The following VAV3 variants were observed in gnomAD, a reference collection of about 807,000 sequenced individuals.
VAV3 encodes vav guanine nucleotide exchange factor 3.
In VAV3, 94 loss-of-function variants were observed where a neutral mutation model predicts 131.2. The observed-to-expected ratio is 0.72, with a 90% CI of 0.61 to 0.85. The LOEUF is 0.85. Among genes scored for constraint, VAV3 ranks in the 40% least tolerant of loss-of-function variants. The probability of loss-of-function intolerance (pLI) is 0.00; values close to 1 mark genes in which losing one functional copy is unlikely to be tolerated. For synonymous variants in VAV3, 349 were observed against 342.0 expected (o/e 1.02, Z -0.22); for missense variants, 939 against 1,002.7 (o/e 0.94, Z 0.86).
chr1:107,742,244 T>C (rs780515225), intron 15 of VAV3, among the ~76,000 whole-genome samples: 5 of 152,024 alleles, frequency 3.3e-5, no homozygotes, highest in Non-Finnish European at 5.9e-5. Flanking sequence ...TCTTTTTTTT[T>C]CCCACTTGTC....
chr1:107,658,453 G>C (rs1656748171), intron 19 of VAV3, among the ~76,000 whole-genome samples: 2 of 151,958 alleles, frequency 1.3e-5, no homozygotes, highest in Non-Finnish European at 2.9e-5. Context: ...TAATCCTTTG[G>C]GTATATACCC....
chr1:107,811,535 A>T, intron 2 of VAV3, among the ~76,000 whole-genome samples: 1 of 152,180 alleles, frequency 6.6e-6, no homozygotes, highest in Non-Finnish European at 1.5e-5. Flanking sequence ...TTTTAAAATT[A>T]ATTATTTCCT....
intron 19 of VAV3, among the ~76,000 whole-genome samples, chr1:107,661,535 C>T (rs1001894450): frequency 6.6e-6 from 1 of 152,134 alleles, no homozygotes. Flanking sequence ...TTTCTCCCCA[C>T]TTGAATATAA....
intron 1 of VAV3, among the ~76,000 whole-genome samples, chr1:107,948,409 G>A (rs1365648779): frequency 1.3e-5 from 2 of 152,172 alleles, no homozygotes; most frequent in East Asian, 3.8e-4. Context: ...CATTTAGACT[G>A]GTTCTGGCAA....
At chr1:107,924,152 T>C (rs1031460895) in intron 1 of VAV3, among the ~76,000 whole-genome samples, 1 of 152,254 alleles carries the variant, frequency 6.6e-6, no homozygotes, top group South Asian at 2.1e-4. Context: ...CTCTTTCTTC[T>C]CTCCCGTTCC....
At chr1:107,583,755 A>G (rs569887413) in intron 25 of VAV3, among the ~76,000 whole-genome samples, 145 of 152,272 alleles carry the variant, frequency 9.5e-4, no homozygotes, top group African/African-American at 3.4e-3. Context: ...GAAATAAAAG[A>G]GGATACAAAC....
chr1:107,766,046 T>C (rs146893891), intron 8 of VAV3, among the ~76,000 whole-genome samples: 17 of 152,200 alleles, frequency 1.1e-4, no homozygotes, highest in African/African-American at 3.9e-4. Flanking sequence ...AATACCAGAA[T>C]TGGAAGAAAA....
At chr1:107,613,771 C>T (rs1652932143) in intron 21 of VAV3, among the ~76,000 whole-genome samples, 2 of 152,012 alleles carry the variant, frequency 1.3e-5, no homozygotes, top group African/African-American at 2.4e-5. Flanking sequence ...GTTAAAAATC[C>T]TTTGAGGAAT....
At chr1:107,588,234 A>G (rs1201314517) in intron 25 of VAV3, among the ~76,000 whole-genome samples, 1 of 152,200 alleles carries the variant, frequency 6.6e-6, no homozygotes, top group Non-Finnish European at 1.5e-5. Context: ...TCAGTTGTTC[A>G]AGAACTGTAA....
chr1:107,614,686 C>T (rs967043073), intron 21 of VAV3, among the ~76,000 whole-genome samples: 1 of 152,108 alleles, frequency 6.6e-6, no homozygotes, highest in Non-Finnish European at 1.5e-5. Context: ...TAATTAGTAT[C>T]TACCATTGCT....
chr1:107,691,118 C>T (rs773740655), intron 17 of VAV3, among the ~76,000 whole-genome samples: 4 of 152,148 alleles, frequency 2.6e-5, no homozygotes, highest in Non-Finnish European at 5.9e-5. Flanking sequence ...ATTAAACAGA[C>T]TGCCTCCTTT....
At chr1:107,904,786 A>G (rs1195102362) in intron 1 of VAV3, among the ~76,000 whole-genome samples, 1 of 152,208 alleles carries the variant, frequency 6.6e-6, no homozygotes, top group African/African-American at 2.4e-5. Context: ...CTTTTGGGGT[A>G]AGAGGGTGGA....
chr1:107,711,921 G>A (rs1221140961), intron 15 of VAV3, among the ~76,000 whole-genome samples: 1 of 152,004 alleles, frequency 6.6e-6, no homozygotes, highest in Non-Finnish European at 1.5e-5. Context: ...CCTGACCTCA[G>A]GTGATCTGCC....
intron 20 of VAV3, among the ~76,000 whole-genome samples, chr1:107,621,089 AT>A (rs5776895): frequency 0.032 from 4,728 of 147,360 alleles, 259 homozygotes; most frequent in African/African-American, 0.11. Context: ...ATCAAAACTC[AT>A]TTTTTTTTTT....
At chr1:107,723,425 C>T (rs1661624228) in intron 15 of VAV3, among the ~76,000 whole-genome samples, 1 of 141,436 alleles carries the variant, frequency 7.1e-6, no homozygotes, top group South Asian at 2.4e-4. Flanking sequence ...ACCAGCTCAG[C>T]CCTCAAGTAA....
At chr1:107,809,128 C>T (rs1485746584) in intron 2 of VAV3, among the ~76,000 whole-genome samples, 1 of 152,094 alleles carries the variant, frequency 6.6e-6, no homozygotes, top group Admixed American at 6.6e-5. Flanking sequence ...TTTTCTCCCA[C>T]CTAAAGAGAT....
chr1:107,698,084 T>C (rs576327510), intron 17 of VAV3, among the ~76,000 whole-genome samples: 123 of 152,366 alleles, frequency 8.1e-4, no homozygotes, highest in African/African-American at 2.9e-3. Flanking sequence ...TATTTCTCTG[T>C]GCCTTGGTTT....
At chr1:107,669,019 G>GA (rs1657598463) in intron 19 of VAV3, 3 of 1,049,214 alleles carry the variant, frequency 2.9e-6, no homozygotes, top group South Asian at 3.2e-5. Context: ...ACTATACAGA[G>GA]AAAAATCCCC....
intron 2 of VAV3, among the ~76,000 whole-genome samples, 190 bp downstream of exon 2, chr1:107,874,711 G>T (rs1670405742): frequency 7.7e-6 from 1 of 129,538 alleles, no homozygotes; most frequent in African/African-American, 3.1e-5. Flanking sequence ...TGTTGTTGTT[G>T]TATGTGTGGG....
Sources: allele counts gnomAD v4.1 joint callset (sites outside exome capture counted in the v4.1 genomes callset), GRCh38; gene constraint gnomAD v4.1.1; transcripts MANE v1.5; gene names NCBI Gene and HGNC (gene_info 2026-07-23, HGNC 2026-07-21).